Variants in DYNC2LI1 observed in about 807,000 individuals in gnomAD.
The protein encoded by DYNC2LI1 is cytoplasmic dynein 2 light intermediate chain 1.
A neutral mutation model predicts 51.9 loss-of-function variants in DYNC2LI1; 45 were observed. The observed-to-expected ratio is 0.87, with a 90% CI of 0.68 to 1.11. The LOEUF (loss-of-function observed/expected upper bound fraction) is 1.11. Ranked by LOEUF, DYNC2LI1 falls within the 50% of genes most tolerant of loss-of-function variation. DYNC2LI1 has a pLI of 0.00. For missense variants in DYNC2LI1, 490 were observed against 417.4 expected (o/e 1.17, Z -1.51); for synonymous variants, 130 against 137.8 (o/e 0.94, Z 0.40).
the DYNC2LI1 span, chr2:43,824,116 C>G: frequency 3.8e-5 from 61 of 1,614,110 alleles, no homozygotes; most frequent in Non-Finnish European, 4.7e-5. Context: ...TCTTGTCACT[C>G]TCCTGAAAAC....
Position 43,800,860 on chromosome 2 carries a change from C to T in DYNC2LI1, c.674C>T (p.Ala225Val). Residue 225 changes from alanine to valine, a missense_variant, in exon 9 of 13, where the codon GCT becomes GTT. Physicochemically the swap from Ala to Val is moderately conservative, Grantham distance 64. Transcript: ENST00000260605. ...ASLMFTSKSE[A>V]LLLKIRGVIN... ...TTAAAGTTTACCAGTAAATCAGAAGCTCTATTACTAAAAATACGTGGAGTT... is the reference window on the plus strand; with the variant it reads ...TTAAAGTTTACCAGTAAATCAGAAGTTCTATTACTAAAAATACGTGGAGTT... 6.3e-7 allele frequency: 1 copy of T among 1,598,484 alleles called. No individual in the cohort carries two copies. Among genetic ancestry groups the T allele is most frequent in the South Asian group, 1.1e-5 (1 of 89,040 alleles).
intron 7 of DYNC2LI1, 22 bp from the exon 8 acceptor site, chr2:43,796,696 T>C: frequency 6.3e-7 from 1 of 1,577,082 alleles, no homozygotes; most frequent in Non-Finnish European, 8.7e-7. Context: ...TCTTGACTTT[T>C]TAAAATAACA....
rs1321508129 is a variant in DYNC2LI1, at chr2:43,805,134, T to C, written c.901-20T>C. On this transcript the variant is annotated intron_variant, in intron 11 of 12. Transcript: ENST00000260605. ...TTTTGGTTTATGGGCGTGAAGTGAT[T>C]TTGAGATTTGTAATTTCAGAGTATT... 6.4e-7 allele frequency: 1 copy of C among 1,564,056 alleles called. No homozygotes were observed. The highest frequency in any genetic ancestry group is 8.8e-7 in the Non-Finnish European group (1 of 1,139,540).
Position 43,780,715 on chromosome 2 carries a change from A to C in DYNC2LI1, c.127-2805A>C, listed in dbSNP as rs146152544. 1.2e-4 allele frequency among the ~76,000 whole-genome samples: 19 copies of C among 152,234 alleles called. No individual in the cohort carries two copies. In the East Asian group the frequency reaches 3.3e-3, roughly 26 times the overall value. Reference sequence around the variant, plus strand: ...GAAGGATTTTAGAGGAAGGGAAGACAGAAGGGGATTATTGGGCCAGATTAA... The same window carrying C: ...GAAGGATTTTAGAGGAAGGGAAGACCGAAGGGGATTATTGGGCCAGATTAA... On this transcript the variant is annotated intron_variant, in intron 2 of 12. Transcript: ENST00000260605.
the DYNC2LI1 span, among the ~76,000 whole-genome samples, chr2:43,815,249 T>A: frequency 6.6e-6 from 1 of 152,226 alleles, no homozygotes; most frequent in African/African-American, 2.4e-5. Flanking sequence ...GTGCTGACAC[T>A]GTGGTCTTCT....
rs761367852 is a variant in DYNC2LI1, at chr2:43,776,878, C to A, written c.105C>A (p.Phe35Leu). Reference sequence around the variant, plus strand: ...CTGAAATTGCAGAAAAATTTGTTTTCTTCATTGGCAGTAAAAATGGGGTAA... The same window carrying A: ...CTGAAATTGCAGAAAAATTTGTTTTATTCATTGGCAGTAAAAATGGGGTAA... Reference protein sequence around the residue: ...DGAEIAEKFVFFIGSKNGGKT... With the variant: ...DGAEIAEKFVLFIGSKNGGKT... Residue 35 changes from phenylalanine (F) to leucine (L), a missense_variant, in exon 2 of 13, where the codon TTC becomes TTA. Coordinates refer to ENST00000260605, the MANE Select transcript of DYNC2LI1 (RefSeq NM_016008.4). 2 of 1,585,258 alleles carry A rather than the reference C, an allele frequency of 1.3e-6. No homozygotes were observed. Among genetic ancestry groups the A allele is most frequent in the East Asian group, 4.5e-5 (2 of 44,458 alleles).
At chr2:43,797,113 C>A (rs967997501) in intron 8 of DYNC2LI1, among the ~76,000 whole-genome samples, 2 of 152,126 alleles carry the variant, frequency 1.3e-5, no homozygotes, top group Non-Finnish European at 2.9e-5. Context: ...AATCTATATT[C>A]CCCTAAAAGA....
At chr2:43,816,193 C>T in the DYNC2LI1 span, among the ~76,000 whole-genome samples, 1 of 152,214 alleles carries the variant, frequency 6.6e-6, no homozygotes, top group African/African-American at 2.4e-5. Context: ...TACTTATTCA[C>T]TCAACAAATA....
chr2:43,824,417 A>G, the DYNC2LI1 span: 3 of 1,613,854 alleles, frequency 1.9e-6, no homozygotes, highest in African/African-American at 2.7e-5. Flanking sequence ...TTGGGTATCC[A>G]CTGACGTCAG....
intron 2 of DYNC2LI1, among the ~76,000 whole-genome samples, chr2:43,777,153 A>G (rs1460482689): frequency 6.6e-6 from 1 of 152,224 alleles, no homozygotes; most frequent in Non-Finnish European, 1.5e-5. Context: ...AATTGAGTGT[A>G]AAAGCTAGGA....
chr2:43,787,179 A>G lies in DYNC2LI1; in HGVS notation c.162-2A>G, dbSNP rs1210286187. ...ATAATACTATCGGCCTTTATTATAC[A>G]GAGATGAACCACCAAAACCAACCTT... On this transcript the variant is annotated splice_acceptor_variant, in intron 3 of 12. Coordinates refer to ENST00000260605, the MANE Select transcript of DYNC2LI1 (RefSeq NM_016008.4). LOFTEE classifies it high-confidence loss of function. 2 of 1,611,154 alleles carry G rather than the reference A, an allele frequency of 1.2e-6. No homozygotes were observed. The highest frequency in any genetic ancestry group is 1.1e-5 in the South Asian group (1 of 90,936).
At chr2:43,826,446 T>G in the DYNC2LI1 span, 1 of 1,614,142 alleles carries the variant, frequency 6.2e-7, no homozygotes, top group South Asian at 1.1e-5. Context: ...GCGAGCCAGT[T>G]CCACCAGGAG....
At chr2:43,812,656 C>A, downstream of DYNC2LI1, 1 of 189,196 alleles carries the variant, frequency 5.3e-6, no homozygotes, top group Non-Finnish European at 1.1e-5. Context: ...GCATTCTTAC[C>A]CAATTCTGCA....
chr2:43,812,226 T>C (rs1219409208), downstream of DYNC2LI1, among the ~76,000 whole-genome samples: 1 of 152,084 alleles, frequency 6.6e-6, no homozygotes, highest in Non-Finnish European at 1.5e-5. Context: ...ATGTCAGCAT[T>C]TTTTTCTATA....
chr2:43,815,910 GAAAAAAA>G, the DYNC2LI1 span, among the ~76,000 whole-genome samples: 13 of 104,072 alleles, frequency 1.2e-4, no homozygotes, highest in Admixed American at 3.9e-4. Context: ...AACAGGAAAA[GAAAAAAA>G]AAAAAAAAAA....
rs61303876 is a variant in DYNC2LI1 at position 43,803,176 on chromosome 2, C to T, written c.803-1466C>T. ...AGAAATTGTGCTGTTGGGCATTTAT[C>T]CAAGATAAATGAAAACTTAACTCTC... On this transcript the variant is annotated intron_variant, in intron 10 of 12. Transcript: ENST00000260605. Among the ~76,000 whole-genome samples the T allele has an allele frequency of 6.6e-3, 1,008 of 152,158 alleles. 12 individuals are homozygous for T. The highest frequency in any genetic ancestry group is 0.023 in the African/African-American group (937 of 41,514).
intron 10 of DYNC2LI1, among the ~76,000 whole-genome samples, chr2:43,803,648 A>G (rs551919063): frequency 6.6e-6 from 1 of 152,290 alleles, no homozygotes; most frequent in South Asian, 2.1e-4. Flanking sequence ...ACATGAACCT[A>G]TGCAGGTGAT....
At chr2:43,812,340 G>T (rs1395040583), downstream of DYNC2LI1, 2 of 138,258 alleles carry the variant, frequency 1.4e-5, no homozygotes, top group South Asian at 2.3e-4. Context: ...TTTTCGGTAG[G>T]TTTTTTTTTT....
chr2:43,796,864 G>A (rs2104700794), intron 8 of DYNC2LI1, 69 bp downstream of exon 8: 3 of 1,173,438 alleles, frequency 2.6e-6, no homozygotes, highest in Non-Finnish European at 3.8e-6. Flanking sequence ...GCAACTTGAT[G>A]CACAGCTACG....
Sources: gnomAD v4.1 joint callset for allele counts (sites outside exome capture counted in the v4.1 genomes callset) on GRCh38, gnomAD v4.1.1 for gene constraint, MANE v1.5 for transcripts, NCBI Gene and HGNC (gene_info 2026-07-23, HGNC 2026-07-21) for gene names.